DAB1: variants seen among roughly 807,000 people sequenced by gnomAD.
DAB1 encodes the protein disabled homolog 1.
Under a neutral mutation model 64.6 loss-of-function variants are expected in DAB1, and 15 were observed. That is an observed-to-expected ratio of 0.23 (90% CI 0.16 to 0.36). DAB1 has a LOEUF of 0.36. Ranked by LOEUF, DAB1 falls within the 10% of genes least tolerant of loss-of-function variation. The pLI is 1.00. For missense variants in DAB1, 596 were observed against 706.7 expected (o/e 0.84, Z 1.78); for synonymous variants, 235 against 251.9 (o/e 0.93, Z 0.64).
At chr1:57,219,274 C>A (rs1259603993) in intron 2 of DAB1, among the ~76,000 whole-genome samples, 2 of 151,778 alleles carry the variant, frequency 1.3e-5, no homozygotes, top group African/African-American at 4.8e-5. Context: ...AACACACACA[C>A]ACACACACAC....
chr1:58,031,438 AAG>A (rs1426025857), intron 5 of DAB1, among the ~76,000 whole-genome samples: 3 of 152,196 alleles, frequency 2.0e-5, no homozygotes, highest in African/African-American at 7.2e-5. Context: ...GATGGGAAAA[AAG>A]AGAGGCAGGA....
At chr1:57,589,989 G>A (rs1362965727) in intron 7 of DAB1, among the ~76,000 whole-genome samples, 1 of 152,044 alleles carries the variant, frequency 6.6e-6, no homozygotes, top group Non-Finnish European at 1.5e-5. Context: ...GGCAATTTGG[G>A]CCAAAAAATA....
chr1:57,886,870 C>A (rs1386581585), upstream of DAB1, among the ~76,000 whole-genome samples: 1 of 152,200 alleles, frequency 6.6e-6, no homozygotes, highest in Non-Finnish European at 1.5e-5. Context: ...ATAATACCTA[C>A]TTCAAAGTGT....
intron 3 of DAB1, among the ~76,000 whole-genome samples, chr1:58,442,917 T>C (rs1645028214): frequency 6.6e-6 from 1 of 152,156 alleles, no homozygotes; most frequent in African/African-American, 2.4e-5. Flanking sequence ...AAAGGGAATA[T>C]AGACATCTTA....
At chr1:57,644,249 G>A (rs1402653268) in intron 7 of DAB1, among the ~76,000 whole-genome samples, 1 of 152,182 alleles carries the variant, frequency 6.6e-6, no homozygotes, top group African/African-American at 2.4e-5. Flanking sequence ...AACTGGAATG[G>A]GTGAGGTCTG....
At chr1:57,688,508 G>T (rs1043464916) in intron 6 of DAB1, among the ~76,000 whole-genome samples, 1 of 152,148 alleles carries the variant, frequency 6.6e-6, no homozygotes, top group African/African-American at 2.4e-5. Context: ...GCTGTTTGAA[G>T]ATTTCTCAAA....
At chr1:57,279,513 G>A (rs1003271203) in intron 2 of DAB1, among the ~76,000 whole-genome samples, 1 of 152,180 alleles carries the variant, frequency 6.6e-6, no homozygotes, top group African/African-American at 2.4e-5. Context: ...CGAATAGATA[G>A]CTGTATACTC....
chr1:57,943,503 C>G (rs1176673595), intron 5 of DAB1, among the ~76,000 whole-genome samples: 1 of 152,142 alleles, frequency 6.6e-6, no homozygotes, highest in East Asian at 1.9e-4. Context: ...GCCTTGCCCT[C>G]TAAATAAGAC....
intron 4 of DAB1, among the ~76,000 whole-genome samples, chr1:58,251,699 T>TA (rs1380683206): frequency 2.6e-5 from 4 of 152,174 alleles, no homozygotes; most frequent in Non-Finnish European, 4.4e-5. Context: ...AGGCTGGTCT[T>TA]ATGGGTAAAG....
intron 7 of DAB1, among the ~76,000 whole-genome samples, chr1:57,565,891 TCC>T (rs1645114335): frequency 6.6e-6 from 1 of 152,090 alleles, no homozygotes; most frequent in African/African-American, 2.4e-5. Flanking sequence ...AACAAGGATA[TCC>T]AGGAATGGAG....
intron 7 of DAB1, among the ~76,000 whole-genome samples, chr1:57,521,059 C>A (rs371767159): frequency 1.3e-5 from 2 of 152,134 alleles, no homozygotes; most frequent in African/African-American, 4.8e-5. Flanking sequence ...ACCCAAGCAT[C>A]GAAGGGAGTA....
intron 2 of DAB1, among the ~76,000 whole-genome samples, chr1:57,285,370 G>GTGA (rs1311118932): frequency 6.6e-6 from 1 of 152,194 alleles, no homozygotes; most frequent in African/African-American, 2.4e-5. Flanking sequence ...CCAGGTTCAA[G>GTGA]TGATCCTCCT....
chr1:57,836,206 C>G (rs1652800914), intron 1 of DAB1, among the ~76,000 whole-genome samples: 1 of 152,110 alleles, frequency 6.6e-6, no homozygotes, highest in Non-Finnish European at 1.5e-5. Flanking sequence ...TTATTATGAT[C>G]CCTATAACAA....
intron 3 of DAB1, among the ~76,000 whole-genome samples, chr1:58,491,358 C>A (rs908177934): frequency 4.0e-4 from 61 of 152,200 alleles, no homozygotes; most frequent in Admixed American, 1.2e-3. Context: ...TGCATCAACT[C>A]ACGAGCAAAA....
intron 4 of DAB1, among the ~76,000 whole-genome samples, chr1:58,204,500 A>G (rs987669557): frequency 1.3e-5 from 2 of 152,136 alleles, no homozygotes; most frequent in Admixed American, 1.3e-4. Context: ...GGGGGTAGAG[A>G]AGTGAGGCAT....
At chr1:57,791,195 T>C (rs2101858471) in intron 6 of DAB1, among the ~76,000 whole-genome samples, 1 of 152,268 alleles carries the variant, frequency 6.6e-6, no homozygotes, top group Non-Finnish European at 1.5e-5. Flanking sequence ...ACACAAAGTG[T>C]CTAGTACCAA....
chr1:57,201,553 T>C (rs1242266496), intron 2 of DAB1, among the ~76,000 whole-genome samples: 1 of 151,898 alleles, frequency 6.6e-6, no homozygotes, highest in African/African-American at 2.4e-5. Flanking sequence ...GAGGGCCCTA[T>C]TTACGATTTG....
At chr1:57,856,090 G>A (rs1209634850) in intron 1 of DAB1, among the ~76,000 whole-genome samples, 2 of 152,194 alleles carry the variant, frequency 1.3e-5, no homozygotes, top group Non-Finnish European at 2.9e-5. Flanking sequence ...GCTACTGCCT[G>A]GGACTTATCA....
intron 6 of DAB1, among the ~76,000 whole-genome samples, chr1:57,697,513 C>CT (rs544328230): frequency 4.3e-4 from 65 of 149,748 alleles, no homozygotes; most frequent in African/African-American, 1.6e-3. Context: ...ATTAGCATTG[C>CT]TCATTGTAAG....
Sources: allele counts gnomAD v4.1 joint callset (sites outside exome capture counted in the v4.1 genomes callset), GRCh38; gene constraint gnomAD v4.1.1; transcripts MANE v1.5; gene names NCBI Gene and HGNC (gene_info 2026-07-23, HGNC 2026-07-21).